The following PPP5C variants were observed in gnomAD, a reference collection of about 807,000 sequenced individuals.
PPP5C encodes the protein serine/threonine-protein phosphatase 5.
A neutral mutation model predicts 66.7 loss-of-function variants in PPP5C; 21 were observed. The ratio of observed to expected loss-of-function variants is 0.31; its 90% CI spans 0.22 to 0.45. PPP5C has a LOEUF of 0.45. PPP5C is among the 20% of genes least tolerant of loss of function. The pLI is 1.00. For missense variants in PPP5C, 464 were observed against 675.9 expected (o/e 0.69, Z 3.48); for synonymous variants, 246 against 257.4 (o/e 0.96, Z 0.43).
In PPP5C at chr19:46,390,434, C is replaced by A. The variant is rs868455286; in HGVS notation, c.*88C>A. The A allele has an allele frequency of 1.2e-5, 18 of 1,540,460 alleles. No homozygotes were observed. The highest frequency in any genetic ancestry group is 3.8e-4 in the Middle Eastern group (2 of 5,272). On this transcript the variant is annotated 3_prime_UTR_variant, in exon 13 of 13. Transcript: ENST00000012443. ...GCTAGGGGCAGAGCAGGCCCCGCCC[C>A]AGGGCAATGTTGGACCCCCTTTTAC...
chr19:46,383,083 G>T lies in PPP5C; in HGVS notation c.634-328G>T, dbSNP rs1258113907. 6.9e-6 allele frequency: 8 copies of T among 1,166,866 alleles called. No individual in the cohort carries two copies. In the Admixed American group the frequency reaches 1.9e-4, roughly 28 times the overall value. The allele number at this position is 1,166,866 out of a possible 1,614,324, so 72.3% of individuals were successfully genotyped here. A position where few individuals can be genotyped will look rare whatever the true frequency, so the allele number is the denominator to read the frequency against. On this transcript the variant is annotated intron_variant, in intron 4 of 12. Coordinates refer to ENST00000012443, the MANE Select transcript of PPP5C (RefSeq NM_006247.4). The surrounding 1 kb of genome is among the most constrained non-coding windows in gnomAD (Gnocchi z 5.0). ...TTTTATGACAGTGACATTGCGCTGT[G>T]TCCAGGCCAGTTCTTTTATAAAATG...
chr19:46,372,528 T>G (rs1972611991), intron 2 of PPP5C, among the ~76,000 whole-genome samples: 1 of 152,166 alleles, frequency 6.6e-6, no homozygotes, highest in African/African-American at 2.4e-5. Context: ...CCAAATCACC[T>G]TACTAAAATC....
chr19:46,377,919 T>C (rs1236235139), intron 4 of PPP5C, among the ~76,000 whole-genome samples: 1 of 152,262 alleles, frequency 6.6e-6, no homozygotes, highest in Non-Finnish European at 1.5e-5. Flanking sequence ...TTTGTAGCTT[T>C]TATAAGTATA....
rs1972834602 is a variant in PPP5C, at chr19:46,383,704, C to T, written c.700-76C>T. On this transcript the variant is annotated intron_variant, in intron 5 of 12. Transcript: ENST00000012443. This position sits in a 1 kb window ranked among gnomAD's most constrained non-coding sequence, Gnocchi z 5.0. ...CTTCTTGGTCTACTGTGAACTCTTA[C>T]CCTTCCCCTCACCTCTGCCCCCTCC... 8.0e-7 allele frequency: 1 copy of T among 1,255,518 alleles called. No homozygotes were observed. The allele number at this position is 1,255,518 out of a possible 1,614,324, so 77.8% of individuals were successfully genotyped here.
chr19:46,384,071 G>A (rs896645096), intron 6 of PPP5C, 193 bp downstream of exon 6: 8 of 591,470 alleles, frequency 1.4e-5, no homozygotes, highest in Admixed American at 6.0e-5. Flanking sequence ...GCTCGGACAG[G>A]CCTGGGCCAG....
chr19:46,355,244 G>A (rs1202022107), intron 2 of PPP5C, among the ~76,000 whole-genome samples: 1 of 151,954 alleles, frequency 6.6e-6, no homozygotes, highest in African/African-American at 2.4e-5. Context: ...CAGGGGGCTT[G>A]GTCAGTGTGT....
chr19:46,390,357 G>A lies in PPP5C; in HGVS notation c.*11G>A, dbSNP rs572333809. ...CTAGGAATGATGTGAGGTGACGGGC[G>A]GGGCGGCCTGCATCCCAGGGCCCCT... is the stretch of plus-strand genomic sequence containing the variant. On this transcript the variant is annotated 3_prime_UTR_variant, in exon 13 of 13. Coordinates refer to ENST00000012443, the MANE Select transcript of PPP5C (RefSeq NM_006247.4). 3.6e-5 allele frequency: 56 copies of A among 1,565,196 alleles called. No individual in the cohort carries two copies. Among genetic ancestry groups the A allele is most frequent in the Middle Eastern group, 3.3e-4 (2 of 5,986 alleles).
intron 2 of PPP5C, among the ~76,000 whole-genome samples, chr19:46,355,384 T>TGCAGTTGGTC (rs1216328522): frequency 6.6e-6 from 1 of 150,474 alleles, no homozygotes; most frequent in Non-Finnish European, 1.5e-5. Flanking sequence ...GCCGCGAGTC[T>TGCAGTTGGTC]GCAGTTGGTC....
intron 4 of PPP5C, chr19:46,382,370 C>T (rs545258631): frequency 1.3e-5 from 2 of 152,324 alleles, no homozygotes; most frequent in East Asian, 3.9e-4. Flanking sequence ...GATGGCTTTA[C>T]CTTTGATTTT....
In PPP5C at chr19:46,386,136, A is replaced by C. The variant is rs557349193; in HGVS notation, c.905-957A>C. 3.9e-5 allele frequency among the ~76,000 whole-genome samples: 6 copies of C among 152,082 alleles called. No individual in the cohort carries two copies. The South Asian group carries it at 1.2e-3, about 32-fold the overall frequency. ...AGCAGGGTGTGGCCAGGAGCTGAGG[A>C]GCTCCCCTTTGGATGTGGCTGAGAC... On this transcript the variant is annotated intron_variant, in intron 7 of 12. Transcript: ENST00000012443.
intron 1 of PPP5C, among the ~76,000 whole-genome samples, chr19:46,351,771 G>T (rs1972189891): frequency 6.6e-6 from 1 of 152,226 alleles, no homozygotes; most frequent in Non-Finnish European, 1.5e-5. Flanking sequence ...CCCTCCTGGG[G>T]CTTACAGCTC....
At chr19:46,371,342 G>C (rs1972588020) in intron 2 of PPP5C, among the ~76,000 whole-genome samples, 1 of 152,216 alleles carries the variant, frequency 6.6e-6, no homozygotes, top group South Asian at 2.1e-4. Context: ...CTACAGCATG[G>C]ATCTGTGAAA....
intron 4 of PPP5C, among the ~76,000 whole-genome samples, chr19:46,378,564 A>G (rs932745567): frequency 1.3e-5 from 2 of 152,204 alleles, no homozygotes; most frequent in African/African-American, 4.8e-5. Context: ...AGCTCCGACT[A>G]TACTTGTAGA....
rs977047571 is a variant in PPP5C, at chr19:46,347,616, C to T, written c.121+399C>T. 2.2e-5 allele frequency among the ~76,000 whole-genome samples: 3 copies of T among 138,760 alleles called. No individual in the cohort carries two copies. In the East Asian group the frequency reaches 6.3e-4, roughly 29 times the overall value. The allele number at this position is 138,760 out of a possible 152,430, so 91.0% of individuals were successfully genotyped here. ...GCCGCCAAGTGGGGGGTAGAGGGGG[C>T]ACAGCCCCAATAGAGAAGGCAATCG... is the stretch of plus-strand genomic sequence containing the variant. On this transcript the variant is annotated intron_variant, in intron 1 of 12. Coordinates refer to ENST00000012443, the MANE Select transcript of PPP5C (RefSeq NM_006247.4).
At position 46,376,794 on chromosome 19, in the gene PPP5C, C is replaced by A; in HGVS notation, c.633+220C>A. The A allele has an allele frequency of 1.8e-6, 1 of 555,022 alleles. No homozygotes were observed. Among genetic ancestry groups the A allele is most frequent in the Non-Finnish European group, 3.0e-6 (1 of 328,580 alleles). The allele number at this position is 555,022 out of a possible 1,614,324, so 34.4% of individuals were successfully genotyped here. Reference sequence around the variant, plus strand: ...GGCAGGCAGTGCCATTTGACAGATGCAGGGACAAAGGGCCAGAGAGGTCAG... The same window carrying A: ...GGCAGGCAGTGCCATTTGACAGATGAAGGGACAAAGGGCCAGAGAGGTCAG... On this transcript the variant is annotated intron_variant, in intron 4 of 12. Transcript: ENST00000012443. This position sits in a 1 kb window ranked among gnomAD's most constrained non-coding sequence, Gnocchi z 5.1.
At chr19:46,380,327 A>AG (rs199590800) in intron 4 of PPP5C, among the ~76,000 whole-genome samples, 250 of 151,956 alleles carry the variant, frequency 1.6e-3, no homozygotes, top group African/African-American at 5.8e-3. Flanking sequence ...CTCAAAAGAA[A>AG]AAAAAAAAAA....
intron 1 of PPP5C, among the ~76,000 whole-genome samples, chr19:46,352,328 A>C (rs961967331): frequency 6.6e-6 from 1 of 152,172 alleles, no homozygotes; most frequent in African/African-American, 2.4e-5. Context: ...TGCTGGTAGA[A>C]GGACTCTAGG....
chr19:46,363,286 C>T (rs1383626320), intron 2 of PPP5C, among the ~76,000 whole-genome samples: 9 of 79,548 alleles, frequency 1.1e-4, no homozygotes, highest in Admixed American at 3.8e-4. Flanking sequence ...CCAGCCTGGG[C>T]GACAGAGCGA....
rs780417839 is a variant in PPP5C at position 46,376,535 on chromosome 19, C to T, written c.594C>T (p.Tyr198=). The T allele has an allele frequency of 1.1e-5, 17 of 1,613,916 alleles. No individual in the cohort carries two copies. In the African/African-American group the frequency reaches 2.1e-4, roughly 20 times the overall value. ...TCATGAAGGAGCTCATGCAGTGGTA[C>T]AAGGACCAGAAGAAACTGCACCGGA... ...ISFMKELMQW[Y]KDQKKLHRKC... The change falls in exon 4 of 13, where the codon TAC becomes TAT. Residue 198 remains tyrosine (Y), a synonymous_variant. Transcript: ENST00000012443. The surrounding 1 kb of genome is among the most constrained non-coding windows in gnomAD (Gnocchi z 5.1).
Sources: gnomAD v4.1 joint callset for allele counts (sites outside exome capture counted in the v4.1 genomes callset) on GRCh38, gnomAD v4.1.1 for gene constraint, Gnocchi (gnomAD v3.1) non-coding constraint, MANE v1.5 for transcripts, NCBI Gene and HGNC (gene_info 2026-07-23, HGNC 2026-07-21) for gene names.